The following KLHL42 variants were observed in gnomAD, a reference collection of about 807,000 sequenced individuals.
The protein encoded by KLHL42 is kelch-like protein 42.
A neutral mutation model predicts 32.7 loss-of-function variants in KLHL42; 27 were observed. The observed-to-expected ratio is 0.83, with a 90% confidence interval of 0.61 to 1.14. The LOEUF (loss-of-function observed/expected upper bound fraction) is 1.14, where lower values mean the gene tolerates loss of function less well. KLHL42 is among the 50% of genes most tolerant of loss of function. The pLI, the probability that KLHL42 is intolerant of heterozygous loss-of-function variation, is 0.00. For synonymous variants in KLHL42, 267 were observed against 248.2 expected (o/e 1.08, Z -0.71); for missense variants, 491 against 560.8 (o/e 0.88, Z 1.26).
chr12:27,795,838 T>C (rs1474249774), intron 2 of KLHL42, among the ~76,000 whole-genome samples: 1 of 152,178 alleles, frequency 6.6e-6, no homozygotes, highest in East Asian at 1.9e-4. Flanking sequence ...CAACTTTAAA[T>C]GTAAAAACAA....
rs979831702 is a variant in KLHL42, at chr12:27,802,093, T to G, written c.*3927T>G. 6.6e-6 allele frequency: 1 copy of G among 152,164 alleles called. No homozygotes were observed. Among genetic ancestry groups the G allele is most frequent in the African/African-American group, 2.4e-5 (1 of 41,448 alleles). 9.4% of individuals were successfully genotyped at this position (152,164 alleles called of 1,614,324 possible). On this transcript the variant is annotated 3_prime_UTR_variant, in exon 3 of 3. Coordinates refer to ENST00000381271, the MANE Select transcript of KLHL42 (RefSeq NM_020782.2). The stretch of plus-strand genomic sequence containing the variant: ...CAATCATCACGAACCAGTTTTGTTT[T>G]TCTTTTAAATTTGAACATCACATCT...
At position 27,781,161 on chromosome 12, in the gene KLHL42, C is replaced by T. The variant is rs143061675; in HGVS notation, c.831C>T (p.Ser277=). 234 of 1,613,922 alleles carry T rather than the reference C, an allele frequency of 1.4e-4. No individual in the cohort carries two copies. The highest frequency in any genetic ancestry group is 2.0e-4 in the Non-Finnish European group (231 of 1,180,052). The change falls in exon 1 of 3, where the codon AGC becomes AGT. Residue 277 remains serine, a synonymous_variant. Coordinates refer to ENST00000381271, the MANE Select transcript of KLHL42 (RefSeq NM_020782.2). ...CCGCTGCGCATTCCTACAACCCCAG[C>T]ACCAACGAGTGGCTCCAGGTGGCCT... ...EISAAHSYNP[S]TNEWLQVASM...
In KLHL42 at chr12:27,780,819, G is replaced by A; in HGVS notation, c.489G>A (p.Lys163=). 1 of 1,613,848 alleles carries A rather than the reference G, an allele frequency of 6.2e-7. No homozygotes were observed. The highest frequency in any genetic ancestry group is 2.2e-5 in the East Asian group (1 of 44,880). ...MVVHFHEVLC[K]PQFHLLGSPP... The stretch of plus-strand genomic sequence containing the variant: ...TCCACTTCCACGAGGTGCTGTGCAA[G>A]CCCCAGTTCCACCTCCTGGGGTCTC... The change falls in exon 1 of 3, where the codon AAG becomes AAA. Residue 163 remains lysine (K), a synonymous_variant. Transcript: ENST00000381271. This position sits in a 1 kb window ranked among gnomAD's most constrained non-coding sequence, Gnocchi z 8.8.
Position 27,780,545 on chromosome 12 carries a change from G to GCGGGGCCCGCGAAGGCTGGCTC in KLHL42, c.217_238dup (p.Leu80ArgfsTer26). ...CTGGTGCTGGACTTCATCAACGCCG[G>GCGGGGCCCGCGAAGGCTGGCTC]CGGGGCCCGCGAAGGCTGGCTCCTG... On this transcript the variant is annotated frameshift_variant, in exon 1 of 3. Coordinates refer to ENST00000381271, the MANE Select transcript of KLHL42 (RefSeq NM_020782.2). LOFTEE classifies it high-confidence loss of function. This position sits in a 1 kb window ranked among gnomAD's most constrained non-coding sequence, Gnocchi z 8.8. The GCGGGGCCCGCGAAGGCTGGCTC allele has an allele frequency of 1.3e-6, 2 of 1,526,824 alleles. No individual in the cohort carries two copies. The highest frequency in any genetic ancestry group is 1.8e-6 in the Non-Finnish European group (2 of 1,141,374). The allele number at this position is 1,526,824 out of a possible 1,614,324, so 94.6% of individuals were successfully genotyped here. A position where few individuals can be genotyped will look rare whatever the true frequency, so the allele number is the denominator to read the frequency against.
chr12:27,793,570 A>AAAAT (rs1303342501), intron 2 of KLHL42, among the ~76,000 whole-genome samples: 3 of 151,922 alleles, frequency 2.0e-5, no homozygotes, highest in Non-Finnish European at 2.9e-5. Context: ...AAGAAAAGAA[A>AAAAT]AAATAAAACT....
At chr12:27,785,976 T>G (rs2062170345) in intron 1 of KLHL42, among the ~76,000 whole-genome samples, 1 of 152,244 alleles carries the variant, frequency 6.6e-6, no homozygotes. Flanking sequence ...AATTGAACAC[T>G]TAACTCTGCA....
chr12:27,794,119 T>G (rs990948769), intron 2 of KLHL42, among the ~76,000 whole-genome samples: 5 of 152,234 alleles, frequency 3.3e-5, no homozygotes, highest in Non-Finnish European at 7.3e-5. Flanking sequence ...GTGGGAGGTG[T>G]GTTAGTTTCC....
At chr12:27,797,300 T>A (rs2062223368) in intron 2 of KLHL42, 1 of 458,278 alleles carries the variant, frequency 2.2e-6, no homozygotes, top group Non-Finnish European at 4.4e-6. Flanking sequence ...GGATCAGCTA[T>A]CAAGAATAAT....
At chr12:27,783,553 A>C (rs1370707300) in intron 1 of KLHL42, among the ~76,000 whole-genome samples, 1 of 152,154 alleles carries the variant, frequency 6.6e-6, no homozygotes, top group East Asian at 1.9e-4. Flanking sequence ...TTTCTGTGTC[A>C]ACAAATGTAG....
Position 27,781,176 on chromosome 12 carries a change from C to G in KLHL42, c.846C>G (p.Leu282=), listed in dbSNP as rs748918755. ...ACAACCCCAGCACCAACGAGTGGCTCCAGGTGGCCTCCATGAACCAGAAGA... is the reference window on the plus strand; with the variant it reads ...ACAACCCCAGCACCAACGAGTGGCTGCAGGTGGCCTCCATGAACCAGAAGA... ...HSYNPSTNEW[L]QVASMNQKRS... is the part of the protein sequence containing the mutation. The change falls in exon 1 of 3, where the codon CTC becomes CTG. Residue 282 remains leucine (L), a synonymous_variant. Transcript: ENST00000381271. 1.9e-6 allele frequency: 3 copies of G among 1,613,912 alleles called. No homozygotes were observed. In the South Asian group the frequency reaches 3.3e-5, roughly 18 times the overall value.
Position 27,801,567 on chromosome 12 carries a change from G to A in KLHL42, c.*3401G>A, listed in dbSNP as rs2140827919. The A allele has an allele frequency of 6.6e-6, 1 of 152,320 alleles. No individual in the cohort carries two copies. Among genetic ancestry groups the A allele is most frequent in the East Asian group, 1.9e-4 (1 of 5,184 alleles). 9.4% of individuals were successfully genotyped at this position (152,320 alleles called of 1,614,324 possible). A position where few individuals can be genotyped will look rare whatever the true frequency, so the allele number is the denominator to read the frequency against. ...ATGCCTTTTTCCTAGACCAGGAATG[G>A]GGAATATATAACACCTGTGCCACCG... is the stretch of plus-strand genomic sequence containing the variant. On this transcript the variant is annotated 3_prime_UTR_variant, in exon 3 of 3. Coordinates refer to ENST00000381271, the MANE Select transcript of KLHL42 (RefSeq NM_020782.2).
intron 2 of KLHL42, 69 bp downstream of exon 2, chr12:27,791,970 G>C: frequency 7.3e-7 from 1 of 1,364,004 alleles, no homozygotes; most frequent in South Asian, 1.2e-5. Flanking sequence ...GGGCAAGAGG[G>C]TGTCAGAGGA....
In KLHL42 at chr12:27,803,002, A is replaced by T. The variant is rs1477101248; in HGVS notation, c.*4836A>T. ...CAGCATTCCTTTTGTGTTTAGAACT[A>T]TAGAAGAAAATGTCTTCAAATAAAG... is the stretch of plus-strand genomic sequence containing the variant. On this transcript the variant is annotated 3_prime_UTR_variant, in exon 3 of 3. Transcript: ENST00000381271. 1 of 152,240 alleles carries T rather than the reference A, an allele frequency of 6.6e-6. No homozygotes were observed. The highest frequency in any genetic ancestry group is 1.5e-5 in the Non-Finnish European group (1 of 68,046). 9.4% of individuals were successfully genotyped at this position (152,240 alleles called of 1,614,324 possible). A position where few individuals can be genotyped will look rare whatever the true frequency, so the allele number is the denominator to read the frequency against.
rs1354531569 is a variant in KLHL42, at chr12:27,799,998, G to A, written c.*1832G>A. On this transcript the variant is annotated 3_prime_UTR_variant, in exon 3 of 3. Coordinates refer to ENST00000381271, the MANE Select transcript of KLHL42 (RefSeq NM_020782.2). ...TTAATGTTAATTTATATTCATTGTA[G>A]AATTGAATTTCCAGTGACCTGTAAT... 39 of 883,430 alleles carry A rather than the reference G, an allele frequency of 4.4e-5. No homozygotes were observed. Among genetic ancestry groups the A allele is most frequent in the Non-Finnish European group, 5.0e-5 (37 of 737,164 alleles). The allele number at this position is 883,430 out of a possible 1,614,324, so 54.7% of individuals were successfully genotyped here. A position where few individuals can be genotyped will look rare whatever the true frequency, so the allele number is the denominator to read the frequency against.
rs781762082 is a variant in KLHL42, at chr12:27,791,792, C to T, written c.957C>T (p.Pro319=). The T allele has an allele frequency of 3.7e-6, 6 of 1,614,066 alleles. No individual in the cohort carries two copies. The highest frequency in any genetic ancestry group is 2.2e-5 in the East Asian group (1 of 44,900). The part of the protein sequence containing the change: ...QAVSNVECYN[P]EQDAWNFVAP... ...TTTCTAACGTTGAGTGTTACAACCC[C>T]GAGCAGGATGCGTGGAATTTTGTGG... Residue 319 remains proline (P), a synonymous_variant, in exon 2 of 3, where the codon CCC becomes CCT. Transcript: ENST00000381271.
At chr12:27,794,578 ACCT>A (rs1352735134) in intron 2 of KLHL42, among the ~76,000 whole-genome samples, 1 of 151,982 alleles carries the variant, frequency 6.6e-6, no homozygotes, top group Non-Finnish European at 1.5e-5. Context: ...TGCAGGCTCA[ACCT>A]CCTGGGTTCA....
intron 1 of KLHL42, among the ~76,000 whole-genome samples, chr12:27,786,769 C>A (rs2062173975): frequency 7.4e-6 from 1 of 134,376 alleles, no homozygotes; most frequent in South Asian, 2.4e-4. Context: ...GTCGCCCAGG[C>A]TGGAGTGCAG....
intron 2 of KLHL42, among the ~76,000 whole-genome samples, chr12:27,792,855 G>GT (rs1167676932): frequency 6.6e-6 from 1 of 152,084 alleles, no homozygotes; most frequent in Non-Finnish European, 1.5e-5. Flanking sequence ...GTATATATGT[G>GT]TTTTTCACTT....
chr12:27,797,862 C>G lies in KLHL42; in HGVS notation c.1214C>G (p.Pro405Arg). 2.6e-6 allele frequency: 2 copies of G among 780,306 alleles called. No individual in the cohort carries two copies. The highest frequency in any genetic ancestry group is 1.7e-5 in the African/African-American group (1 of 59,180). 48.3% of individuals were successfully genotyped at this position (780,306 alleles called of 1,614,324 possible). The change falls in exon 3 of 3, where the codon CCC becomes CGC. Residue 405 changes from proline (P) to arginine (R), a missense_variant. Coordinates refer to ENST00000381271, the MANE Select transcript of KLHL42 (RefSeq NM_020782.2). ...IVGGCLHELG[P>R]NRRSSQSEDM... ...GGGGGGTGTCTCCACGAGCTGGGGC[C>G]CAACCGCAGGAGCAGCCAGAGCGAG... is the stretch of plus-strand genomic sequence containing the variant.
Sources: gnomAD v4.1 joint callset for allele counts (sites outside exome capture counted in the v4.1 genomes callset) on GRCh38, gnomAD v4.1.1 for gene constraint, Gnocchi (gnomAD v3.1) non-coding constraint, MANE v1.5 for transcripts, NCBI Gene and HGNC (gene_info 2026-07-23, HGNC 2026-07-21) for gene names.